Variants in SSX3 observed in about 807,000 individuals in gnomAD.
SSX3 encodes SSX family member 3.
Under a neutral mutation model 14.8 loss-of-function variants are expected in SSX3, and 6 were observed. The ratio of observed to expected loss-of-function variants is 0.41; its 90% CI spans 0.22 to 0.80. The LOEUF (loss-of-function observed/expected upper bound fraction) is 0.80. Among genes scored for constraint, SSX3 ranks in the 30% least tolerant of loss-of-function variants. SSX3 has a pLI of 0.34. For synonymous variants in SSX3, 55 were observed against 52.9 expected, an observed-to-expected ratio of 1.04 and a Z score of -0.18; for missense variants, 163 against 152.2, an observed-to-expected ratio of 1.07 and a Z score of -0.37.
At chrX:48,347,889 G>A (rs1324027419) in intron 6 of SSX3, among the ~76,000 whole-genome samples, 4 of 111,841 alleles carry the variant, frequency 3.6e-5, no homozygotes, top group African/African-American at 1.3e-4. Context: ...CATACAGCAC[G>A]TATTTGTTAA....
chrX:48,351,180 A>G (rs1219008318), intron 5 of SSX3, among the ~76,000 whole-genome samples: 4 of 112,214 alleles, frequency 3.6e-5, no homozygotes, highest in African/African-American at 1.3e-4. Flanking sequence ...AAATGTAGTA[A>G]TAATAACAAT....
At chrX:48,355,113 T>G in intron 2 of SSX3, 68 bp downstream of exon 2, 2 of 1,203,292 alleles carry the variant, frequency 1.7e-6, no homozygotes, top group Non-Finnish European at 1.1e-6. Context: ...TGTCCTCCCC[T>G]CCTCAGAAAC....
Position 48,346,867 on chromosome X carries a change from T to C in SSX3, c.*173A>G, listed in dbSNP as rs1443212474. The C allele has an allele frequency of 5.9e-6, 5 of 840,888 alleles. No individual in the cohort carries two copies. Among genetic ancestry groups the C allele is most frequent in the East Asian group, 6.4e-5 (2 of 31,362 alleles). The allele number at this position is 840,888 out of a possible 1,213,427, so 69.3% of individuals were successfully genotyped here. ...CAAGAAAATACAATGGAAACGCTAA[T>C]ATCGTACTCTTGGCACACTAAGAAA... On this transcript the variant is annotated 3_prime_UTR_variant, in exon 8 of 8. Coordinates refer to ENST00000298396, the MANE Select transcript of SSX3 (RefSeq NM_021014.4).
intron 5 of SSX3, among the ~76,000 whole-genome samples, chrX:48,351,345 C>T (rs2061262242): frequency 9.0e-6 from 1 of 111,446 alleles, no homozygotes; most frequent in African/African-American, 3.3e-5. Flanking sequence ...CTGGGGCTTC[C>T]CAGACGCCCC....
intron 5 of SSX3, among the ~76,000 whole-genome samples, chrX:48,350,779 T>TTTTTC (rs2061259114): frequency 9.4e-6 from 1 of 106,153 alleles, no homozygotes; most frequent in Non-Finnish European, 1.9e-5. Context: ...TTCTTTTTTT[T>TTTTTC]TTTTTTTTTT....
intron 6 of SSX3, 91 bp downstream of exon 6, chrX:48,349,896 G>C (rs781848673): frequency 7.6e-6 from 9 of 1,187,592 alleles, no homozygotes; most frequent in Admixed American, 2.3e-5. Context: ...TGGACCCAGG[G>C]TTATCTGGGA....
chrX:48,352,671 G>A (rs1245650438), intron 4 of SSX3, among the ~76,000 whole-genome samples: 4 of 112,346 alleles, frequency 3.6e-5, no homozygotes, highest in African/African-American at 1.3e-4. Context: ...TAGTGATTGC[G>A]GGAGATTGTA....
rs782756999 is a variant in SSX3, at chrX:48,354,010, C to T, written c.269G>A (p.Arg90His). The stretch of plus-strand genomic sequence containing the variant: ...TCCCATCTACTCACCCTGATTCCCA[C>T]GGTTAGGGTCATTATCAAAATCATT... ...QGNDFDNDPNRGNQVQRPQMT... is the reference protein window; with the variant it reads ...QGNDFDNDPNHGNQVQRPQMT... Residue 90 changes from arginine (R) to histidine (H), a missense_variant, in exon 4 of 8, where the codon CGT becomes CAT. Transcript: ENST00000298396. The T allele has an allele frequency of 9.1e-6, 11 of 1,205,467 alleles. No homozygotes were observed. The highest frequency in any genetic ancestry group is 7.1e-5 in the South Asian group (4 of 56,608).
intron 7 of SSX3, 56 bp downstream of exon 7, chrX:48,347,444 C>A: frequency 8.3e-7 from 1 of 1,202,269 alleles, no homozygotes; most frequent in Non-Finnish European, 1.1e-6. Context: ...ATGCCAGTAT[C>A]ATAACAGAAT....
At chrX:48,350,771 C>CTT (rs374614128) in intron 5 of SSX3, among the ~76,000 whole-genome samples, 14 of 96,351 alleles carry the variant, frequency 1.5e-4, no homozygotes, top group African/African-American at 3.5e-4. Flanking sequence ...CTTTCTTTTT[C>CTT]TTTTTTTTTT....
At position 48,354,612 on chromosome X, in the gene SSX3, T is replaced by G. The variant is rs1212314108; in HGVS notation, c.184+20A>C. ...GCTCATGTGTCCCCAGACTTGTCTG[T>G]ACCTAGAACTTTCTGTTACCTAGTT... On this transcript the variant is annotated intron_variant, in intron 3 of 7. Coordinates refer to ENST00000298396, the MANE Select transcript of SSX3 (RefSeq NM_021014.4). The G allele has an allele frequency of 6.7e-6, 8 of 1,190,997 alleles. No individual in the cohort carries two copies. The Admixed American group carries it at 1.1e-4, about 16-fold the overall frequency.
intron 6 of SSX3, chrX:48,349,732 T>C (rs1556949212): frequency 8.8e-7 from 1 of 1,138,625 alleles, no homozygotes; most frequent in African/African-American, 1.8e-5. Flanking sequence ...ATTCTTTATT[T>C]CCATCTTATG....
chrX:48,355,064 G>A, intron 2 of SSX3, 117 bp downstream of exon 2: 1 of 1,204,424 alleles, frequency 8.3e-7, no homozygotes, highest in Non-Finnish European at 1.1e-6. Flanking sequence ...CAAGGGTCCA[G>A]ATCTCCCCTG....
chrX:48,353,929 T>A (rs1256247685), intron 4 of SSX3, 70 bp downstream of exon 4: 3 of 1,079,266 alleles, frequency 2.8e-6, no homozygotes, highest in Non-Finnish European at 3.9e-6. Flanking sequence ...TGAGGCTCTT[T>A]CCCAGGTAGC....
chrX:48,355,518 G>C (rs1556950853), intron 1 of SSX3, among the ~76,000 whole-genome samples: 1 of 111,192 alleles, frequency 9.0e-6, no homozygotes, highest in Non-Finnish European at 1.9e-5. Context: ...GTCTTTGGGA[G>C]GGGGTTGGCT....
intron 5 of SSX3, 153 bp downstream of exon 5, chrX:48,351,947 A>G: frequency 1.5e-6 from 1 of 654,840 alleles, no homozygotes; most frequent in Non-Finnish European, 2.4e-6. Flanking sequence ...AAATGTTGGT[A>G]CTATCAAGCC....
At position 48,347,051 on chromosome X, in the gene SSX3, A is replaced by G. The variant is rs1181617721; in HGVS notation, c.*5-16T>C. 1 of 1,197,981 alleles carries G rather than the reference A, an allele frequency of 8.3e-7. No homozygotes were observed. Among genetic ancestry groups the G allele is most frequent in the Non-Finnish European group, 1.1e-6 (1 of 895,202 alleles). Reference sequence around the variant, plus strand: ...ATCCCCAAGGCTGAGGCAAGAAGAGAGAAGGAAAGTAAGTGGCAGTGAGTT... The same window carrying G: ...ATCCCCAAGGCTGAGGCAAGAAGAGGGAAGGAAAGTAAGTGGCAGTGAGTT... On this transcript the variant is annotated splice_polypyrimidine_tract_variant and intron_variant, in intron 7 of 7. Coordinates refer to ENST00000298396, the MANE Select transcript of SSX3 (RefSeq NM_021014.4).
Position 48,354,615 on chromosome X carries a change from C to T in SSX3, c.184+17G>A, listed in dbSNP as rs782063841. 19 of 1,195,065 alleles carry T rather than the reference C, an allele frequency of 1.6e-5. No homozygotes were observed. Among genetic ancestry groups the T allele is most frequent in the Non-Finnish European group, 2.2e-5 (19 of 882,762 alleles). On this transcript the variant is annotated intron_variant, in intron 3 of 7. Coordinates refer to ENST00000298396, the MANE Select transcript of SSX3 (RefSeq NM_021014.4). ...CATGTGTCCCCAGACTTGTCTGTAC[C>T]TAGAACTTTCTGTTACCTAGTTTAG...
chrX:48,348,324 G>T (rs1351125796), intron 6 of SSX3: 4 of 505,803 alleles, frequency 7.9e-6, no homozygotes, highest in Non-Finnish European at 1.4e-5. Context: ...TAATTGTTTT[G>T]GGGGTACCAG....
Sources: gnomAD v4.1 joint callset for allele counts (sites outside exome capture counted in the v4.1 genomes callset) on GRCh38, gnomAD v4.1.1 for gene constraint, MANE v1.5 for transcripts, NCBI Gene and HGNC (gene_info 2026-07-23, HGNC 2026-07-21) for gene names.